PCDHGB5: variants seen among roughly 807,000 people sequenced by gnomAD.
PCDHGB5 encodes protocadherin gamma subfamily B, 5.
PCDHGB5 carries 48 observed loss-of-function variants against 62.9 expected under a neutral mutation model. That is an observed-to-expected ratio of 0.76 (90% CI 0.61 to 0.97). PCDHGB5 has a LOEUF of 0.97. Ranked by LOEUF, PCDHGB5 falls within the 50% of genes least tolerant of loss-of-function variation. The pLI, the probability that PCDHGB5 is intolerant of heterozygous loss-of-function variation, is 0.00. For missense variants in PCDHGB5, 1,118 were observed against 1,198.6 expected, an observed-to-expected ratio of 0.93 and a Z score of 0.99; for synonymous variants, 474 against 511.2, an observed-to-expected ratio of 0.93 and a Z score of 0.98.
At chr5:141,419,936 G>C in intron 1 of PCDHGB5, 1 of 1,614,074 alleles carries the variant, frequency 6.2e-7, no homozygotes, top group Non-Finnish European at 8.5e-7. Context: ...GTTTTACCTG[G>C]TGGTGGCCTT....
Position 141,431,939 on chromosome 5 carries a change from T to A in PCDHGB5, c.2397+31415T>A, listed in dbSNP as rs1377573207. The A allele has an allele frequency of 2.2e-5, 35 of 1,613,996 alleles. No individual in the cohort carries two copies. The highest frequency in any genetic ancestry group is 2.9e-5 in the Non-Finnish European group (34 of 1,180,000). On this transcript the variant is annotated intron_variant, in intron 1 of 3. Coordinates refer to ENST00000617380, the MANE Select transcript of PCDHGB5 (RefSeq NM_018925.3). This position sits in a 1 kb window ranked among gnomAD's most constrained non-coding sequence, Gnocchi z 4.8. ...CATCCAAGGAAATCTGCCCTTTAAA[T>A]TAGAAAAATCTTACGGAAATTACTA...
At chr5:141,483,918 T>G (rs2099588800) in intron 1 of PCDHGB5, among the ~76,000 whole-genome samples, 1 of 150,512 alleles carries the variant, frequency 6.6e-6, no homozygotes, top group Non-Finnish European at 1.5e-5. Flanking sequence ...CCACTCAGAT[T>G]GCAGGTCGTA....
rs1591094034 is a variant in PCDHGB5 at position 141,431,659 on chromosome 5, A to T, written c.2397+31135A>T. 3.7e-6 allele frequency: 6 copies of T among 1,614,246 alleles called. No individual in the cohort carries two copies. The highest frequency in any genetic ancestry group is 3.4e-6 in the Non-Finnish European group (4 of 1,180,036). On this transcript the variant is annotated intron_variant, in intron 1 of 3. Coordinates refer to ENST00000617380, the MANE Select transcript of PCDHGB5 (RefSeq NM_018925.3). This position sits in a 1 kb window ranked among gnomAD's most constrained non-coding sequence, Gnocchi z 4.8. ...TCAAACTAGATTGTAATTCAGGGAC[A>T]ATATCAACAATAGGGGAGTTGGACC...
Position 141,485,274 on chromosome 5 carries a change from C to A in PCDHGB5, c.2398-9533C>A. 1 of 1,614,106 alleles carries A rather than the reference C, an allele frequency of 6.2e-7. No homozygotes were observed. The highest frequency in any genetic ancestry group is 1.3e-5 in the African/African-American group (1 of 75,036). ...TACGTTTGTGGGCAGATCCGCTACC[C>A]GGTCCCAGAGGAGTCACAGGAAGGG... On this transcript the variant is annotated intron_variant, in intron 1 of 3. Transcript: ENST00000617380. The surrounding 1 kb of genome is among the most constrained non-coding windows in gnomAD (Gnocchi z 5.7).
chr5:141,490,700 C>T lies in PCDHGB5; in HGVS notation c.2398-4107C>T. The T allele has an allele frequency of 6.2e-7, 1 of 1,614,152 alleles. No individual in the cohort carries two copies. Among genetic ancestry groups the T allele is most frequent in the Non-Finnish European group, 8.5e-7 (1 of 1,179,984 alleles). ...TCAGATCCAGACACTGGGGATAATG[C>T]CCGCCTCACCTACTCCATTGTAGGA... On this transcript the variant is annotated intron_variant, in intron 1 of 3. Transcript: ENST00000617380. This position sits in a 1 kb window ranked among gnomAD's most constrained non-coding sequence, Gnocchi z 5.4.
In PCDHGB5 at chr5:141,398,582, T is replaced by A; in HGVS notation, c.455T>A (p.Phe152Tyr). Reference sequence around the variant, plus strand: ...GAGTCTGCACAGCCTGGCACAAGATTTATACTAGAAGTAGCAGAAGATGCA... The same window carrying A: ...GAGTCTGCACAGCCTGGCACAAGATATATACTAGAAGTAGCAGAAGATGCA... The part of the protein sequence containing the change: ...ISESAQPGTR[F>Y]ILEVAEDADI... The change falls in exon 1 of 4, where the codon TTT (phenylalanine) becomes TAT (tyrosine). Residue 152 changes from phenylalanine (F) to tyrosine (Y), a missense_variant. Around this residue, in one of 2 missense-constraint regions of PCDHGB5, gnomAD observed 1,034 missense variants for 1,029.1 expected, o/e 1.00. Coordinates refer to ENST00000617380, the MANE Select transcript of PCDHGB5 (RefSeq NM_018925.3). 6.2e-7 allele frequency: 1 copy of A among 1,614,000 alleles called. No individual in the cohort carries two copies.
chr5:141,501,130 G>A (rs528942194), intron 2 of PCDHGB5, among the ~76,000 whole-genome samples: 5 of 152,100 alleles, frequency 3.3e-5, no homozygotes, highest in African/African-American at 4.8e-5. Flanking sequence ...GCCTCCCTAA[G>A]TGCTGGGATT....
At position 141,486,622 on chromosome 5, in the gene PCDHGB5, C is replaced by T. The variant is rs1320329216; in HGVS notation, c.2398-8185C>T. On this transcript the variant is annotated intron_variant, in intron 1 of 3. Coordinates refer to ENST00000617380, the MANE Select transcript of PCDHGB5 (RefSeq NM_018925.3). The surrounding 1 kb of genome is among the most constrained non-coding windows in gnomAD (Gnocchi z 5.0). ...GCTCCCTTGCAGCCTCTGACCCAGACTCTGGCTTGAATGCGCTTATCTCCT... is the reference window on the plus strand; with the variant it reads ...GCTCCCTTGCAGCCTCTGACCCAGATTCTGGCTTGAATGCGCTTATCTCCT... 6.2e-7 allele frequency: 1 copy of T among 1,613,574 alleles called. No individual in the cohort carries two copies. The highest frequency in any genetic ancestry group is 8.5e-7 in the Non-Finnish European group (1 of 1,180,042).
Position 141,431,435 on chromosome 5 carries a change from G to T in PCDHGB5, c.2397+30911G>T. On this transcript the variant is annotated intron_variant, in intron 1 of 3. Coordinates refer to ENST00000617380, the MANE Select transcript of PCDHGB5 (RefSeq NM_018925.3). This position sits in a 1 kb window ranked among gnomAD's most constrained non-coding sequence, Gnocchi z 4.8. The stretch of plus-strand genomic sequence containing the variant: ...GGGCGACCCGGTGCGCACAGGCACC[G>T]CGCGCATCCGCGTGATGGTTCTGGA... The T allele has an allele frequency of 6.2e-7, 1 of 1,613,668 alleles. No individual in the cohort carries two copies. Among genetic ancestry groups the T allele is most frequent in the Non-Finnish European group, 8.5e-7 (1 of 1,180,026 alleles).
intron 1 of PCDHGB5, chr5:141,403,680 C>A: frequency 6.2e-7 from 1 of 1,613,846 alleles, no homozygotes; most frequent in Non-Finnish European, 8.5e-7. Context: ...CCGGTTTTTG[C>A]TCAACGGATT....
At chr5:141,409,125 A>AT in intron 1 of PCDHGB5, 1 of 1,613,982 alleles carries the variant, frequency 6.2e-7, no homozygotes, top group African/African-American at 1.3e-5. Flanking sequence ...CAGTCATTTG[A>AT]TTTTGAAGAT....
chr5:141,450,828 TA>T lies in PCDHGB5; in HGVS notation c.2398-43978del, dbSNP rs1427656987. Among the ~76,000 whole-genome samples the T allele has an allele frequency of 7.8e-4, 110 of 141,058 alleles. 1 individual carries two copies. The highest frequency in any genetic ancestry group is 1.8e-3 in the African/African-American group (65 of 36,868). The allele number at this position is 141,058 out of a possible 152,430, so 92.5% of individuals were successfully genotyped here. A position where few individuals can be genotyped will look rare whatever the true frequency, so the allele number is the denominator to read the frequency against. ...TTTATTTATTTAATATTATTATTAT[TA>T]TTTTTTTTTTTTTGAGATGGGGTCT... On this transcript the variant is annotated intron_variant, in intron 1 of 3. Transcript: ENST00000617380.
intron 1 of PCDHGB5, chr5:141,408,965 C>A: frequency 3.1e-6 from 5 of 1,613,806 alleles, no homozygotes; most frequent in Non-Finnish European, 4.2e-6. Flanking sequence ...TAGTGAAAAT[C>A]TGCCCCCTGG....
At chr5:141,430,641 T>C (rs1332550435) in intron 1 of PCDHGB5, 2 of 902,672 alleles carry the variant, frequency 2.2e-6, no homozygotes, top group East Asian at 5.4e-5. Flanking sequence ...TCCCTGGGAG[T>C]ATGTGGAAAC....
chr5:141,485,416 C>T lies in PCDHGB5; in HGVS notation c.2398-9391C>T, dbSNP rs1311879785. On this transcript the variant is annotated intron_variant, in intron 1 of 3. Coordinates refer to ENST00000617380, the MANE Select transcript of PCDHGB5 (RefSeq NM_018925.3). This position sits in a 1 kb window ranked among gnomAD's most constrained non-coding sequence, Gnocchi z 5.7. Reference sequence around the variant, plus strand: ...GACACTTCCGTGTGGATTTGGACAGCGGAGCCCTGCTCATCAAGAACCCAA... The same window carrying T: ...GACACTTCCGTGTGGATTTGGACAGTGGAGCCCTGCTCATCAAGAACCCAA... 10 of 1,613,988 alleles carry T rather than the reference C, an allele frequency of 6.2e-6. No individual in the cohort carries two copies. Among genetic ancestry groups the T allele is most frequent in the South Asian group, 4.4e-5 (4 of 91,086 alleles).
intron 1 of PCDHGB5, among the ~76,000 whole-genome samples, chr5:141,492,226 C>T (rs1365682179): frequency 6.6e-6 from 1 of 152,178 alleles, no homozygotes; most frequent in Non-Finnish European, 1.5e-5. Flanking sequence ...CATGCGTGTC[C>T]TCCCTGCTGG....
At chr5:141,408,002 T>A in intron 1 of PCDHGB5, 1 of 908,258 alleles carries the variant, frequency 1.1e-6, no homozygotes, top group Non-Finnish European at 1.6e-6. Flanking sequence ...GGCCTGGGAT[T>A]CCCTGCGCAG....
rs888836155 is a variant in PCDHGB5, at chr5:141,512,011, A to C, written c.*838A>C. The C allele has an allele frequency of 1.3e-5, 2 of 152,946 alleles. No homozygotes were observed. The highest frequency in any genetic ancestry group is 6.5e-5 in the Admixed American group (1 of 15,300). The allele number at this position is 152,946 out of a possible 1,614,324, so 9.5% of individuals were successfully genotyped here. ...GGCATGGACAAAGCTTGACACATCA[A>C]GTTATCAAGGCCTTGGAGGAGGCTC... On this transcript the variant is annotated 3_prime_UTR_variant, in exon 4 of 4. Coordinates refer to ENST00000617380, the MANE Select transcript of PCDHGB5 (RefSeq NM_018925.3).
chr5:141,510,359 T>A (rs1229932307), intron 3 of PCDHGB5, among the ~76,000 whole-genome samples: 3 of 143,318 alleles, frequency 2.1e-5, no homozygotes, highest in African/African-American at 7.7e-5. Flanking sequence ...CTAACGGAAC[T>A]ACCGAATCTC....
Sources: allele counts gnomAD v4.1 joint callset (sites outside exome capture counted in the v4.1 genomes callset), GRCh38; gene constraint gnomAD v4.1.1; regional missense constraint gnomAD v4.1.1; non-coding constraint Gnocchi (gnomAD v3.1); transcripts MANE v1.5; gene names NCBI Gene and HGNC (gene_info 2026-07-23, HGNC 2026-07-21).